DAB1: variants seen among roughly 807,000 people sequenced by gnomAD.
DAB1 encodes the protein DAB adaptor protein 1, also known as disabled homolog 1.
Under a neutral mutation model 64.6 loss-of-function variants are expected in DAB1, and 15 were observed. The observed-to-expected ratio is 0.23, with a 90% confidence interval of 0.16 to 0.36. The LOEUF (loss-of-function observed/expected upper bound fraction) is 0.36, where lower values mean the gene tolerates loss of function less well. DAB1 is among the 10% of genes least tolerant of loss of function. The pLI is 1.00. For missense variants in DAB1, 596 were observed against 706.7 expected (o/e 0.84, Z 1.78); for synonymous variants, 235 against 251.9 (o/e 0.93, Z 0.64).
chr1:57,519,391 G>A (rs146344793), intron 7 of DAB1, among the ~76,000 whole-genome samples: 2 of 152,278 alleles, frequency 1.3e-5, no homozygotes, highest in Non-Finnish European at 2.9e-5. Flanking sequence ...CCACTGTGCT[G>A]CTGCTGCTAT....
chr1:57,438,254 A>G (rs977373710), intron 7 of DAB1, among the ~76,000 whole-genome samples: 2 of 152,176 alleles, frequency 1.3e-5, no homozygotes, highest in African/African-American at 2.4e-5. Context: ...TTTCCTGCTA[A>G]TAATAATTTG....
chr1:58,463,653 T>C (rs1219349517), intron 3 of DAB1, among the ~76,000 whole-genome samples: 1 of 152,228 alleles, frequency 6.6e-6, no homozygotes, highest in Non-Finnish European at 1.5e-5. Context: ...GGGCACATCC[T>C]GCATGCATAA....
intron 2 of DAB1, among the ~76,000 whole-genome samples, chr1:58,523,154 CCT>C (rs1646293730): frequency 6.6e-6 from 1 of 152,186 alleles, no homozygotes; most frequent in African/African-American, 2.4e-5. Context: ...GGTTAATTCC[CCT>C]GATAAGGTGT....
intron 3 of DAB1, among the ~76,000 whole-genome samples, chr1:58,480,168 A>G (rs1302040426): frequency 1.3e-5 from 2 of 151,894 alleles, no homozygotes; most frequent in Admixed American, 6.6e-5. Context: ...CGTCTTGTTG[A>G]TATCTGCTGC....
intron 4 of DAB1, among the ~76,000 whole-genome samples, chr1:58,220,149 C>A (rs1373133554): frequency 6.6e-6 from 1 of 152,148 alleles, no homozygotes; most frequent in East Asian, 1.9e-4. Flanking sequence ...GAATGGTAAA[C>A]TTTTTGTCAT....
intron 7 of DAB1, among the ~76,000 whole-genome samples, chr1:57,485,920 G>C (rs57951998): frequency 0.015 from 2,278 of 152,228 alleles, 49 homozygotes; most frequent in East Asian, 0.14. Flanking sequence ...TAAGGCGGCC[G>C]TTCACTGAAG....
chr1:58,226,675 C>T (rs1299013921), intron 4 of DAB1, among the ~76,000 whole-genome samples: 1 of 152,214 alleles, frequency 6.6e-6, no homozygotes, highest in East Asian at 1.9e-4. Context: ...CAGTACAAGA[C>T]ACTTTGCCAA....
intron 7 of DAB1, among the ~76,000 whole-genome samples, chr1:57,590,760 AC>A (rs1263478159): frequency 7.3e-5 from 11 of 151,484 alleles, no homozygotes; most frequent in Middle Eastern, 3.4e-3. Context: ...ACACACACAC[AC>A]ACACACACAC....
At chr1:57,413,184 G>A (rs372283111) in intron 1 of DAB1, among the ~76,000 whole-genome samples, 15 of 152,198 alleles carry the variant, frequency 9.9e-5, no homozygotes, top group African/African-American at 3.6e-4. Flanking sequence ...CTACTGCTCA[G>A]AAAAAAAGAT....
At chr1:57,636,777 C>T (rs769521442) in intron 7 of DAB1, among the ~76,000 whole-genome samples, 7 of 152,058 alleles carry the variant, frequency 4.6e-5, no homozygotes, top group South Asian at 2.1e-4. Flanking sequence ...GGCAGATAAT[C>T]GAGAGTTTAG....
chr1:58,393,895 G>C lies in DAB1; in HGVS notation n.258-50492C>G, dbSNP rs533003989. Among the ~76,000 whole-genome samples, 67 of 152,240 alleles carry C rather than the reference G, an allele frequency of 4.4e-4. 1 individual carries two copies. Among genetic ancestry groups the C allele is most frequent in the African/African-American group, 1.4e-3 (60 of 41,548 alleles). On this transcript the variant is annotated intron_variant and non_coding_transcript_variant, in intron 3 of 20. Coordinates refer to the DAB1 transcript ENST00000485760. Reference sequence around the variant, plus strand: ...TAAATATTTTTACCACACATAAAAAGTATGTGAGCTGAGAGATTTGTCAAT... The same window carrying C: ...TAAATATTTTTACCACACATAAAAACTATGTGAGCTGAGAGATTTGTCAAT...
chr1:57,553,418 G>GAAGAAAGAAAAAGAAAGAAAGAAAGAA (rs1558487083), intron 7 of DAB1, among the ~76,000 whole-genome samples: 3 of 12,798 alleles, frequency 2.3e-4, no homozygotes, highest in African/African-American at 3.1e-4. Context: ...AAGAAAGAAA[G>GAAGAAAGAAAAAGAAAGAAAGAAAGAA]AAAGAAAGAA....
intron 6 of DAB1, among the ~76,000 whole-genome samples, chr1:57,675,687 A>T (rs1426074421): frequency 6.6e-6 from 1 of 152,246 alleles, no homozygotes; most frequent in Non-Finnish European, 1.5e-5. Context: ...ACATCTATTC[A>T]GCACAAATAT....
At chr1:57,762,640 C>G (rs1649138091) in intron 6 of DAB1, among the ~76,000 whole-genome samples, 2 of 152,124 alleles carry the variant, frequency 1.3e-5, no homozygotes, top group Non-Finnish European at 2.9e-5. Context: ...TAAAAACTCA[C>G]TATATTGCCC....
At chr1:58,087,727 GGAAAA>G (rs1255082707) in intron 5 of DAB1, among the ~76,000 whole-genome samples, 2 of 148,986 alleles carry the variant, frequency 1.3e-5, no homozygotes, top group Admixed American at 6.6e-5. Flanking sequence ...AAGTTAGATG[GGAAAA>G]GAAAAGAAAG....
intron 1 of DAB1, among the ~76,000 whole-genome samples, chr1:57,861,737 A>C (rs1454710028): frequency 6.7e-6 from 1 of 149,326 alleles, no homozygotes; most frequent in Non-Finnish European, 1.5e-5. Flanking sequence ...ATCATCAATA[A>C]TTACTAGTAT....
At chr1:57,869,280 C>A (rs1569884673) in intron 1 of DAB1, among the ~76,000 whole-genome samples, 5 of 152,132 alleles carry the variant, frequency 3.3e-5, no homozygotes, top group East Asian at 3.9e-4. Flanking sequence ...AAGTTCCTGG[C>A]ATTTAGGAAT....
At chr1:57,497,394 C>T (rs1223037931) in intron 7 of DAB1, among the ~76,000 whole-genome samples, 1 of 152,136 alleles carries the variant, frequency 6.6e-6, no homozygotes, top group Non-Finnish European at 1.5e-5. Context: ...TCACTGAGAA[C>T]ATTAGTTAAA....
intron 4 of DAB1, among the ~76,000 whole-genome samples, chr1:58,279,751 G>A (rs1661514744): frequency 6.6e-6 from 1 of 152,132 alleles, no homozygotes; most frequent in South Asian, 2.1e-4. Flanking sequence ...CAGCTGCCAT[G>A]CTTATCTGCC....
Sources: gnomAD v4.1 joint callset for allele counts (sites outside exome capture counted in the v4.1 genomes callset) on GRCh38, gnomAD v4.1.1 for gene constraint, MANE v1.5 for transcripts, NCBI Gene and HGNC (gene_info 2026-07-23, HGNC 2026-07-21) for gene names.